The following MYH8 variants were observed in gnomAD, a reference collection of about 807,000 sequenced individuals.
MYH8 encodes the protein myosin heavy chain 8, also known as myosin-8.
A neutral mutation model predicts 233.2 loss-of-function variants in MYH8; 168 were observed. That is an observed-to-expected ratio of 0.72 (90% CI 0.64 to 0.82). MYH8 has a LOEUF of 0.82. Among genes scored for constraint, MYH8 ranks in the 40% least tolerant of loss-of-function variants. The probability of loss-of-function intolerance (pLI) is 0.00; values close to 1 mark genes in which losing one functional copy is unlikely to be tolerated. For synonymous variants in MYH8, 785 were observed against 850.6 expected (o/e 0.92, Z 1.34); for missense variants, 1,995 against 2,327.8 (o/e 0.86, Z 2.94).
At chr17:10,398,934 C>CTT (rs2072105793) in intron 28 of MYH8, 48 bp from the exon 29 acceptor site, 1 of 1,341,922 alleles carries the variant, frequency 7.5e-7, no homozygotes, top group Admixed American at 1.7e-5. Flanking sequence ...TAAAAATAAG[C>CTT]CTAAACCTTT....
At position 10,396,537 on chromosome 17, in the gene MYH8, G is replaced by C; in HGVS notation, c.4528+16C>G. 6.2e-7 allele frequency: 1 copy of C among 1,613,862 alleles called. No homozygotes were observed. Among genetic ancestry groups the C allele is most frequent in the Non-Finnish European group, 8.5e-7 (1 of 1,179,884 alleles). On this transcript the variant is annotated intron_variant, in intron 32 of 39. Transcript: ENST00000403437. The surrounding 1 kb of genome is among the most constrained non-coding windows in gnomAD (Gnocchi z 4.2). ...TCCCAGGGATATATGGAGTAGGGAG[G>C]ACTGTGAGGACTCACGTTGCAAGTT...
rs753229784 is a variant in MYH8, at chr17:10,400,348, T to G, written c.3735+42A>C. ...TTTAGTGATAGAGAATAATGGGTGTTCTTACAGATGATTACCTTCATTTAG... is the reference window on the plus strand; with the variant it reads ...TTTAGTGATAGAGAATAATGGGTGTGCTTACAGATGATTACCTTCATTTAG... On this transcript the variant is annotated intron_variant, in intron 27 of 39. Coordinates refer to ENST00000403437, the MANE Select transcript of MYH8 (RefSeq NM_002472.3). This position sits in a 1 kb window ranked among gnomAD's most constrained non-coding sequence, Gnocchi z 4.0. 6.9e-6 allele frequency: 11 copies of G among 1,605,688 alleles called. No individual in the cohort carries two copies. In the South Asian group the frequency reaches 1.2e-4, roughly 18 times the overall value.
rs1006745179 is a variant in MYH8 at position 10,409,023 on chromosome 17, A to G, written c.1965+74T>C. On this transcript the variant is annotated intron_variant, in intron 17 of 39. Coordinates refer to ENST00000403437, the MANE Select transcript of MYH8 (RefSeq NM_002472.3). Reference sequence around the variant, plus strand: ...TCCTATTAACATTTTATTGCCTCATAATTTTTTCTAAATCCTTAATTATGA... The same window carrying G: ...TCCTATTAACATTTTATTGCCTCATGATTTTTTCTAAATCCTTAATTATGA... 6 of 1,417,250 alleles carry G rather than the reference A, an allele frequency of 4.2e-6. No individual in the cohort carries two copies. The African/African-American group carries it at 8.5e-5, about 20-fold the overall frequency. 87.8% of individuals were successfully genotyped at this position (1,417,250 alleles called of 1,614,324 possible).
chr17:10,403,224 C>T (rs959578779), intron 22 of MYH8, among the ~76,000 whole-genome samples: 1 of 152,124 alleles, frequency 6.6e-6, no homozygotes, highest in Admixed American at 6.5e-5. Flanking sequence ...TCCCCTCTCC[C>T]AATAATTATC....
At chr17:10,404,643 A>G (rs2072174957) in intron 21 of MYH8, 58 bp from the exon 22 acceptor site, 21 of 1,601,734 alleles carry the variant, frequency 1.3e-5, no homozygotes, top group African/African-American at 2.7e-5. Context: ...TGTTATTGTT[A>G]CTTATCACAC....
rs1172063359 is a variant in MYH8 at position 10,406,404 on chromosome 17, A to G, written c.2172-7T>C. The G allele has an allele frequency of 6.2e-7, 1 of 1,613,844 alleles. No homozygotes were observed. The highest frequency in any genetic ancestry group is 8.5e-7 in the Non-Finnish European group (1 of 1,179,870). On this transcript the variant is annotated splice_polypyrimidine_tract_variant and splice_region_variant and intron_variant, in intron 19 of 39. Coordinates refer to ENST00000403437, the MANE Select transcript of MYH8 (RefSeq NM_002472.3). Reference sequence around the variant, plus strand: ...TGCATTTAAAACCTTGTATCTGCTCAGTTAAAGAAAGAAAGAATGGTTAGG... The same window carrying G: ...TGCATTTAAAACCTTGTATCTGCTCGGTTAAAGAAAGAAAGAATGGTTAGG...
At chr17:10,403,494 A>G (rs2072160923) in intron 22 of MYH8, among the ~76,000 whole-genome samples, 1 of 151,998 alleles carries the variant, frequency 6.6e-6, no homozygotes, top group African/African-American at 2.4e-5. Flanking sequence ...ACTGCTTAAT[A>G]TATTTATTTT....
chr17:10,405,358 G>C (rs756305622), intron 21 of MYH8, among the ~76,000 whole-genome samples: 2 of 152,178 alleles, frequency 1.3e-5, no homozygotes, highest in South Asian at 4.1e-4. Flanking sequence ...GTAGCAATGT[G>C]TATGTTTCTT....
chr17:10,406,651 A>G lies in MYH8; in HGVS notation c.2171+39T>C, dbSNP rs141282567. 9 of 1,539,552 alleles carry G rather than the reference A, an allele frequency of 5.8e-6. No individual in the cohort carries two copies. In the East Asian group the frequency reaches 1.6e-4, roughly 27 times the overall value. ...ACTTCTTAATTTTTTAATACATACTAATTCACAGTGTTAATGAAATACATC... is the reference window on the plus strand; with the variant it reads ...ACTTCTTAATTTTTTAATACATACTGATTCACAGTGTTAATGAAATACATC... On this transcript the variant is annotated intron_variant, in intron 19 of 39. Transcript: ENST00000403437.
chr17:10,401,408 A>T lies in MYH8; in HGVS notation c.2975T>A (p.Ile992Asn). Residue 992 changes from isoleucine to asparagine, a missense_variant, in exon 24 of 40, where the codon ATT becomes AAT. By Grantham distance (149) the Ile-to-Asn change is moderately radical (BLOSUM62 -3). This residue lies in a region of MYH8 where 1,498 missense variants were observed against 1,680.9 expected (regional missense o/e 0.89). Transcript: ENST00000403437. ...TEEMAGLDETIAKLSKEKKAL... is the reference protein window; with the variant it reads ...TEEMAGLDETNAKLSKEKKAL... ...CTTCTTCTCCTTGGACAGTTTTGCA[A>T]TGGTTTCATCCAGGCCTGCCATCTC... 6.2e-7 allele frequency: 1 copy of T among 1,613,866 alleles called. No homozygotes were observed. The highest frequency in any genetic ancestry group is 8.5e-7 in the Non-Finnish European group (1 of 1,180,002).
intron 33 of MYH8, 39 bp from the exon 34 acceptor site, chr17:10,395,480 C>T (rs1298862949): frequency 6.2e-7 from 1 of 1,605,414 alleles, no homozygotes; most frequent in Non-Finnish European, 8.5e-7. Flanking sequence ...GGAGAAGAAC[C>T]TGAGTATTTG....
Position 10,406,373 on chromosome 17 carries a change from AG to A in MYH8, c.2195del (p.Ala732ValfsTer48), listed in dbSNP as rs1300575017. 2 of 1,614,076 alleles carry A rather than the reference AG, an allele frequency of 1.2e-6. No homozygotes were observed. Among genetic ancestry groups the A allele is most frequent in the Non-Finnish European group, 1.7e-6 (2 of 1,179,924 alleles). ...KQRYKVLNASAIPEGQFIDSK... is the reference protein window; with the variant it reads ...KQRYKVLNASXIPEGQFIDSK... ...TGTCAATGAACTGTCCCTCTGGAAT[AG>A]CACTTGCATTTAAAACCTTGTATCT... On this transcript the variant is annotated frameshift_variant, in exon 20 of 40. Coordinates refer to ENST00000403437, the MANE Select transcript of MYH8 (RefSeq NM_002472.3). LOFTEE classifies it high-confidence loss of function.
chr17:10,393,991 CTTTTTTT>C (rs35512526), intron 35 of MYH8, among the ~76,000 whole-genome samples: 2 of 36,002 alleles, frequency 5.6e-5, no homozygotes, highest in Non-Finnish European at 9.1e-5. Flanking sequence ...AAAGTAATAG[CTTTTTTT>C]TTTTTTTTTT....
chr17:10,409,995 T>C (rs1431283905), intron 15 of MYH8, among the ~76,000 whole-genome samples: 1 of 152,224 alleles, frequency 6.6e-6, no homozygotes, highest in African/African-American at 2.4e-5. Flanking sequence ...ATATTTTGGG[T>C]ATTTAATTTC....
At chr17:10,410,754 C>G (rs1292151112) in intron 15 of MYH8, 23 bp downstream of exon 15, 3 of 1,613,854 alleles carry the variant, frequency 1.9e-6, no homozygotes, top group Admixed American at 3.3e-5. Flanking sequence ...CACAGTCTGC[C>G]CTTCTTTGGA....
intron 22 of MYH8, among the ~76,000 whole-genome samples, chr17:10,402,063 C>A (rs376402360): frequency 6.6e-6 from 1 of 152,094 alleles, no homozygotes; most frequent in Non-Finnish European, 1.5e-5. Context: ...ACCTCTAAAT[C>A]GGGCAAAAGG....
rs1286014108 is a variant in MYH8, at chr17:10,406,750, C to A, written c.2111G>T (p.Gly704Val). Reference protein sequence around the residue: ...HQLRCNGVLEGIRICRKGFPS... With the variant: ...HQLRCNGVLEVIRICRKGFPS... ...GAATCCTTTCCTACAGATGCGGATG[C>A]CTTCCAGCACACCATTACACCTCAG... The change falls in exon 19 of 40, where the codon GGC (glycine) becomes GTC (valine). Residue 704 changes from glycine to valine, a missense_variant. Physicochemically the swap from Gly to Val is moderately radical, Grantham distance 109. Transcript: ENST00000403437. The A allele has an allele frequency of 6.2e-7, 1 of 1,614,034 alleles. No individual in the cohort carries two copies. The highest frequency in any genetic ancestry group is 1.3e-5 in the African/African-American group (1 of 74,920).
chr17:10,393,083 A>T lies in MYH8; in HGVS notation c.5292+2T>A, dbSNP rs759676157. 6 of 1,614,122 alleles carry T rather than the reference A, an allele frequency of 3.7e-6. No individual in the cohort carries two copies. On this transcript the variant is annotated splice_donor_variant, in intron 36 of 39. Transcript: ENST00000403437. LOFTEE classifies it high-confidence loss of function. ...TGTCAGTAGGCCAAATGTTCATCTT[A>T]CATCAGTGATGGCCTTCTTGGCTTT...
In MYH8 at chr17:10,404,362, C is replaced by T. The variant is rs1294198951; in HGVS notation, c.2656G>A (p.Glu886Lys). ...LEEKMVTLLK[E>K]KNDLQLQVQS... ...ACCTGGAGTTGCAGGTCATTTTTCT[C>T]TTTTAAGAGAGTGACCATTTTTTCC... is the stretch of plus-strand genomic sequence containing the variant. Residue 886 changes from glutamate (E) to lysine (K), a missense_variant, in exon 22 of 40, where the codon GAG (glutamate) becomes AAG (lysine). Around this residue, in one of 3 missense-constraint regions of MYH8, gnomAD observed 1,498 missense variants for 1,680.9 expected, o/e 0.89. Transcript: ENST00000403437. 1 of 1,613,882 alleles carries T rather than the reference C, an allele frequency of 6.2e-7. No individual in the cohort carries two copies. The highest frequency in any genetic ancestry group is 8.5e-7 in the Non-Finnish European group (1 of 1,179,884).
Sources: allele counts gnomAD v4.1 joint callset (sites outside exome capture counted in the v4.1 genomes callset), GRCh38; gene constraint gnomAD v4.1.1; regional missense constraint gnomAD v4.1.1; non-coding constraint Gnocchi (gnomAD v3.1); transcripts MANE v1.5; gene names NCBI Gene and HGNC (gene_info 2026-07-23, HGNC 2026-07-21).